The following COMMD10 variants were observed in gnomAD, a reference collection of about 807,000 sequenced individuals.
COMMD10 encodes COMM domain-containing protein 10.
A neutral mutation model predicts 28.9 loss-of-function variants in COMMD10; 33 were observed. The observed-to-expected ratio is 1.14, with a 90% CI of 0.87 to 1.53. The LOEUF (loss-of-function observed/expected upper bound fraction) is 1.53. COMMD10 is among the 40% of genes most tolerant of loss of function. The probability of loss-of-function intolerance (pLI) is 0.00; values close to 1 mark genes in which losing one functional copy is unlikely to be tolerated. For missense variants in COMMD10, 310 were observed against 233.4 expected (o/e 1.33, Z -2.14); for synonymous variants, 110 against 81.7 (o/e 1.35, Z -1.87).
At chr5:116,262,814 A>G (rs184536122) in intron 5 of COMMD10, among the ~76,000 whole-genome samples, 4 of 151,882 alleles carry the variant, frequency 2.6e-5, no homozygotes, top group Admixed American at 1.3e-4. Flanking sequence ...ATCTGGCAAT[A>G]TTTCTATGTC....
chr5:116,197,421 G>T (rs1748556312), intron 5 of COMMD10, among the ~76,000 whole-genome samples: 1 of 152,066 alleles, frequency 6.6e-6, no homozygotes, highest in African/African-American at 2.4e-5. Flanking sequence ...TTGCCCTGTT[G>T]CCCAGGCTGG....
chr5:116,099,110 G>T (rs1043471236), intron 4 of COMMD10, among the ~76,000 whole-genome samples: 6 of 152,080 alleles, frequency 3.9e-5, no homozygotes, highest in African/African-American at 1.2e-4. Flanking sequence ...TGTACCCTCT[G>T]ACCAGCATCT....
chr5:116,153,138 T>C (rs1398846364), intron 5 of COMMD10, among the ~76,000 whole-genome samples: 1 of 152,156 alleles, frequency 6.6e-6, no homozygotes, highest in African/African-American at 2.4e-5. Flanking sequence ...TGGCTATATG[T>C]TTCCTAAAAG....
chr5:116,227,718 C>G (rs62384253), intron 5 of COMMD10, among the ~76,000 whole-genome samples: 2 of 151,884 alleles, frequency 1.3e-5, no homozygotes, highest in Admixed American at 6.6e-5. Context: ...TTGGTGATGC[C>G]GAGCATTCAC....
intron 5 of COMMD10, among the ~76,000 whole-genome samples, chr5:116,229,931 A>G (rs1319129153): frequency 6.6e-6 from 1 of 151,850 alleles, no homozygotes; most frequent in African/African-American, 2.4e-5. Flanking sequence ...CCACCTAAAA[A>G]CACTAGATAT....
At chr5:116,157,916 A>G (rs1508873) in intron 5 of COMMD10, among the ~76,000 whole-genome samples, 48,061 of 149,792 alleles carry the variant, frequency 0.32, 10,936 homozygotes, top group African/African-American at 0.65. Context: ...AATAGTCTCA[A>G]TTGCTAAGAT....
intron 5 of COMMD10, among the ~76,000 whole-genome samples, chr5:116,251,946 C>T (rs1330433356): frequency 1.3e-5 from 2 of 148,928 alleles, no homozygotes; most frequent in Admixed American, 1.3e-4. Context: ...CACATCCTCT[C>T]CAGCACCTGT....
chr5:116,261,979 C>G (rs1171915473), intron 5 of COMMD10, among the ~76,000 whole-genome samples: 1 of 151,694 alleles, frequency 6.6e-6, no homozygotes, highest in East Asian at 1.9e-4. Context: ...GTCATATGAT[C>G]TTTAACACAA....
At chr5:116,179,327 A>G (rs1274233847) in intron 5 of COMMD10, among the ~76,000 whole-genome samples, 4 of 152,168 alleles carry the variant, frequency 2.6e-5, no homozygotes. Flanking sequence ...CGAGGAAACA[A>G]AAGTCTGGAC....
chr5:116,251,602 G>A (rs1350988506), intron 5 of COMMD10, among the ~76,000 whole-genome samples: 1 of 150,904 alleles, frequency 6.6e-6, no homozygotes, highest in Non-Finnish European at 1.5e-5. Flanking sequence ...TTTCATCCAT[G>A]TCCCTACAAA....
chr5:116,191,287 G>C (rs1748362820), intron 5 of COMMD10, among the ~76,000 whole-genome samples: 2 of 152,094 alleles, frequency 1.3e-5, no homozygotes, highest in African/African-American at 4.8e-5. Context: ...GGGGTGAGAA[G>C]CCTCCTGGCC....
chr5:116,229,617 T>C (rs1749478012), intron 5 of COMMD10, among the ~76,000 whole-genome samples: 1 of 151,998 alleles, frequency 6.6e-6, no homozygotes, highest in Non-Finnish European at 1.5e-5. Context: ...TGCACTAAAG[T>C]AGTTTATCAT....
chr5:116,267,122 A>G lies in COMMD10; in HGVS notation c.511-24395A>G, dbSNP rs561892193. Among the ~76,000 whole-genome samples, 45 of 151,854 alleles carry G rather than the reference A, an allele frequency of 3.0e-4. 2 individuals carry two copies. Among genetic ancestry groups the G allele is most frequent in the African/African-American group, 1.1e-3 (44 of 41,156 alleles). On this transcript the variant is annotated intron_variant, in intron 5 of 6. Coordinates refer to ENST00000274458, the MANE Select transcript of COMMD10 (RefSeq NM_016144.4). ...GGCAATCAGACAGGAGAAAGAAATA[A>G]AGGGTAGTCAATTAGGAAAAGAGGA...
At chr5:116,233,858 C>G (rs1337795394) in intron 5 of COMMD10, among the ~76,000 whole-genome samples, 1 of 152,110 alleles carries the variant, frequency 6.6e-6, no homozygotes, top group Non-Finnish European at 1.5e-5. Context: ...AGGATTTTAG[C>G]TCTCGTTTTC....
At chr5:116,093,393 T>C (rs562138431) in intron 4 of COMMD10, among the ~76,000 whole-genome samples, 4 of 152,282 alleles carry the variant, frequency 2.6e-5, no homozygotes, top group Admixed American at 2.6e-4. Flanking sequence ...ACAGCCTTGC[T>C]GGGATCAACC....
At chr5:116,263,734 C>A (rs1000377495) in intron 5 of COMMD10, among the ~76,000 whole-genome samples, 2 of 151,718 alleles carry the variant, frequency 1.3e-5, no homozygotes, top group African/African-American at 4.9e-5. Context: ...TTTAAATTTA[C>A]CTATAGCCTG....
At chr5:116,155,371 ATT>A (rs1321386354) in intron 5 of COMMD10, among the ~76,000 whole-genome samples, 1 of 152,028 alleles carries the variant, frequency 6.6e-6, no homozygotes, top group African/African-American at 2.4e-5. Context: ...TCAGATTCTC[ATT>A]TCTTTGAATT....
In COMMD10 at chr5:116,115,440, C is replaced by G. The variant is rs553601348; in HGVS notation, c.400-18628C>G. Among the ~76,000 whole-genome samples the G allele has an allele frequency of 6.6e-5, 10 of 152,282 alleles. No individual in the cohort carries two copies. In the East Asian group the frequency reaches 1.9e-3, roughly 29 times the overall value. Reference sequence around the variant, plus strand: ...CCTGTGTTCTGTCTTGGAACACTTACATTATAAGTGTGACTTTAACACTTT... The same window carrying G: ...CCTGTGTTCTGTCTTGGAACACTTAGATTATAAGTGTGACTTTAACACTTT... On this transcript the variant is annotated intron_variant, in intron 4 of 6. Transcript: ENST00000274458.
At chr5:116,152,930 A>C (rs1269620942) in intron 5 of COMMD10, among the ~76,000 whole-genome samples, 3 of 152,106 alleles carry the variant, frequency 2.0e-5, no homozygotes, top group Non-Finnish European at 4.4e-5. Flanking sequence ...ATTTATAGGT[A>C]GCTTTGTGAG....
Sources: allele counts gnomAD v4.1 joint callset (sites outside exome capture counted in the v4.1 genomes callset), GRCh38; gene constraint gnomAD v4.1.1; transcripts MANE v1.5; gene names NCBI Gene and HGNC (gene_info 2026-07-23, HGNC 2026-07-21).